CCDC141: variants seen among roughly 807,000 people sequenced by gnomAD.
CCDC141 encodes the protein coiled-coil domain-containing protein 141.
Under a neutral mutation model 181.0 loss-of-function variants are expected in CCDC141, and 168 were observed. The observed-to-expected ratio is 0.93, with a 90% CI of 0.82 to 1.05. The LOEUF (loss-of-function observed/expected upper bound fraction) is 1.05. Among genes scored for constraint, CCDC141 ranks in the 50% least tolerant of loss-of-function variants. The pLI, the probability that CCDC141 is intolerant of heterozygous loss-of-function variation, is 0.00. For synonymous variants in CCDC141, 666 were observed against 642.3 expected (o/e 1.04, Z -0.56); for missense variants, 1,902 against 1,788.5 (o/e 1.06, Z -1.14).
chr2:178,910,456 T>C (rs1458661872), intron 7 of CCDC141, among the ~76,000 whole-genome samples: 1 of 152,150 alleles, frequency 6.6e-6, no homozygotes, highest in Non-Finnish European at 1.5e-5. Context: ...AAGTGCTGAG[T>C]TGAGTCTAAT....
chr2:178,823,745 G>A, the CCDC141 span, among the ~76,000 whole-genome samples: 1 of 152,136 alleles, frequency 6.6e-6, no homozygotes, highest in African/African-American at 2.4e-5. Flanking sequence ...TGCTATATGT[G>A]TACACCTATC....
intron 19 of CCDC141, among the ~76,000 whole-genome samples, 159 bp from the exon 20 acceptor site, chr2:178,853,783 G>A (rs904294022): frequency 3.3e-5 from 5 of 152,186 alleles, no homozygotes; most frequent in Middle Eastern, 3.4e-3. Flanking sequence ...AAACATGATC[G>A]TATTCTACAG....
At chr2:179,019,897 G>T (rs940480726) in intron 2 of CCDC141, among the ~76,000 whole-genome samples, 1 of 151,980 alleles carries the variant, frequency 6.6e-6, no homozygotes, top group Non-Finnish European at 1.5e-5. Context: ...CTCCCAAGTA[G>T]CTGGGACTAC....
intron 6 of CCDC141, among the ~76,000 whole-genome samples, chr2:178,940,873 T>G (rs1689482224): frequency 6.6e-6 from 1 of 152,234 alleles, no homozygotes; most frequent in African/African-American, 2.4e-5. Flanking sequence ...ACACTCATCT[T>G]GCTTTCAATA....
At chr2:178,843,527 C>T (rs949182873) in intron 22 of CCDC141, among the ~76,000 whole-genome samples, 2 of 152,128 alleles carry the variant, frequency 1.3e-5, no homozygotes, top group African/African-American at 4.8e-5. Context: ...ACGTGTGTTG[C>T]ATTTAGTGAA....
At chr2:179,043,490 A>T (rs1193165696) in intron 2 of CCDC141, among the ~76,000 whole-genome samples, 3 of 152,218 alleles carry the variant, frequency 2.0e-5, no homozygotes, top group South Asian at 2.1e-4. Flanking sequence ...CAAAAAGCTT[A>T]TCCACCACAA....
chr2:178,921,304 A>T (rs1234587268), intron 6 of CCDC141, among the ~76,000 whole-genome samples: 1 of 152,242 alleles, frequency 6.6e-6, no homozygotes, highest in Non-Finnish European at 1.5e-5. Flanking sequence ...GGAATGAGCA[A>T]ATATTTTTAA....
Position 178,866,021 on chromosome 2 carries a change from A to C in CCDC141, c.2575-105T>G, listed in dbSNP as rs1168239120. 6 of 903,124 alleles carry C rather than the reference A, an allele frequency of 6.6e-6. No homozygotes were observed. In the Admixed American group the frequency reaches 1.9e-4, roughly 28 times the overall value. 55.9% of individuals were successfully genotyped at this position (903,124 alleles called of 1,614,324 possible). ...AACTCATAAATGACACTTTTTAAAA[A>C]AAGAAATAGGTTCCTGATTTATTTT... On this transcript the variant is annotated intron_variant, in intron 16 of 23. Transcript: ENST00000443758.
At chr2:179,015,065 G>GATAGAT (rs1326648706) in intron 2 of CCDC141, among the ~76,000 whole-genome samples, 2 of 10,976 alleles carry the variant, frequency 1.8e-4, no homozygotes, top group African/African-American at 5.2e-4. Flanking sequence ...GAGAGAGACA[G>GATAGAT]AGATATATAT....
intron 6 of CCDC141, among the ~76,000 whole-genome samples, chr2:178,926,106 A>AC (rs1480838043): frequency 6.6e-6 from 1 of 151,816 alleles, no homozygotes; most frequent in Non-Finnish European, 1.5e-5. Flanking sequence ...TTCCAGGCTC[A>AC]CCCCCTATCC....
intron 8 of CCDC141, among the ~76,000 whole-genome samples, chr2:178,896,641 TG>T (rs1186886732): frequency 6.6e-6 from 1 of 152,160 alleles, no homozygotes; most frequent in African/African-American, 2.4e-5. Flanking sequence ...TTCTTGTTAT[TG>T]ATTAAAGCTG....
intron 2 of CCDC141, among the ~76,000 whole-genome samples, chr2:179,036,076 G>A (rs747388649): frequency 7.2e-5 from 11 of 152,206 alleles, no homozygotes; most frequent in Non-Finnish European, 1.6e-4. Flanking sequence ...GGAGTATGGC[G>A]TGTGCCTCAT....
the CCDC141 span, among the ~76,000 whole-genome samples, chr2:178,823,728 C>T: frequency 0.82 from 125,053 of 152,154 alleles, 51,556 homozygotes; most frequent in East Asian, 0.99. Flanking sequence ...GAATTTATAT[C>T]TGAGGTTGCT....
intron 2 of CCDC141, among the ~76,000 whole-genome samples, chr2:178,984,339 C>G (rs1345830773): frequency 6.6e-6 from 1 of 151,166 alleles, no homozygotes; most frequent in African/African-American, 2.4e-5. Context: ...AAGGAACAAC[C>G]AGTACCAGCC....
At chr2:178,872,374 A>G in intron 12 of CCDC141, 62 bp from the exon 13 acceptor site, 7 of 1,427,454 alleles carry the variant, frequency 4.9e-6, no homozygotes, top group Non-Finnish European at 6.7e-6. Flanking sequence ...TTTTTGTTGT[A>G]TATAACTATT....
the CCDC141 span, among the ~76,000 whole-genome samples, chr2:178,817,005 T>C: frequency 5.4e-3 from 820 of 152,314 alleles, 6 homozygotes; most frequent in African/African-American, 0.019. Flanking sequence ...ATTAGATTTC[T>C]AATGTACTTA....
intron 23 of CCDC141, chr2:178,836,650 C>T (rs1264035065): frequency 5.1e-6 from 2 of 393,938 alleles, no homozygotes; most frequent in East Asian, 4.8e-5. Flanking sequence ...AACCAACCTA[C>T]AGTGCTTTGG....
intron 21 of CCDC141, among the ~76,000 whole-genome samples, chr2:178,846,528 G>C (rs533814320): frequency 6.6e-6 from 1 of 152,322 alleles, no homozygotes; most frequent in South Asian, 2.1e-4. Context: ...CTGGCTCGGA[G>C]GATTCAGGGA....
the CCDC141 span, among the ~76,000 whole-genome samples, chr2:178,819,271 G>T: frequency 6.6e-6 from 1 of 152,158 alleles, no homozygotes; most frequent in South Asian, 2.1e-4. Context: ...AATTTTGCAG[G>T]CTTTTATTTG....
Sources: gnomAD v4.1 joint callset for allele counts (sites outside exome capture counted in the v4.1 genomes callset) on GRCh38, gnomAD v4.1.1 for gene constraint, MANE v1.5 for transcripts, NCBI Gene and HGNC (gene_info 2026-07-23, HGNC 2026-07-21) for gene names.